The following SPIDR variants were observed in gnomAD, a reference collection of about 807,000 sequenced individuals.
SPIDR encodes the protein DNA repair-scaffolding protein.
Under a neutral mutation model 104.6 loss-of-function variants are expected in SPIDR, and 93 were observed. The observed-to-expected ratio is 0.89, with a 90% CI of 0.75 to 1.06. SPIDR has a LOEUF of 1.06. Among genes scored for constraint, SPIDR ranks in the 50% least tolerant of loss-of-function variants. The probability of loss-of-function intolerance (pLI) is 0.00; values close to 1 mark genes in which losing one functional copy is unlikely to be tolerated. For missense variants in SPIDR, 1,154 were observed against 1,111.2 expected (o/e 1.04, Z -0.55); for synonymous variants, 431 against 416.9 (o/e 1.03, Z -0.41).
At chr8:47,553,027 G>T (rs763063780) in intron 8 of SPIDR, among the ~76,000 whole-genome samples, 1 of 152,132 alleles carries the variant, frequency 6.6e-6, no homozygotes, top group Non-Finnish European at 1.5e-5. Context: ...ATGAAGCTTA[G>T]TTTGGCTGGG....
At chr8:47,615,411 C>T (rs2064157003) in intron 10 of SPIDR, among the ~76,000 whole-genome samples, 1 of 150,636 alleles carries the variant, frequency 6.6e-6, no homozygotes, top group East Asian at 2.0e-4. Context: ...ATTAATTTGG[C>T]TAGCTCATTG....
Position 47,584,153 on chromosome 8 carries a change from T to C in SPIDR, c.1098-11658T>C, listed in dbSNP as rs983479620. Among the ~76,000 whole-genome samples the C allele has an allele frequency of 9.8e-5, 15 of 152,348 alleles. 1 individual carries two copies. Among genetic ancestry groups the C allele is most frequent in the Admixed American group, 7.8e-4 (12 of 15,310 alleles). The stretch of plus-strand genomic sequence containing the variant: ...GATCATATCATATTTAGTCACGTTA[T>C]ATTTGTGACTAAAATTTCAGGCTTT... On this transcript the variant is annotated intron_variant, in intron 8 of 19. Coordinates refer to ENST00000297423, the MANE Select transcript of SPIDR (RefSeq NM_001080394.4).
At chr8:47,338,863 C>A (rs1309420332) in intron 5 of SPIDR, among the ~76,000 whole-genome samples, 4 of 152,130 alleles carry the variant, frequency 2.6e-5, no homozygotes, top group African/African-American at 4.8e-5. Flanking sequence ...TAGATACCAT[C>A]CCAGCTGTTG....
intron 8 of SPIDR, among the ~76,000 whole-genome samples, chr8:47,441,595 A>G (rs912307906): frequency 6.6e-6 from 1 of 151,252 alleles, no homozygotes; most frequent in Non-Finnish European, 1.5e-5. Flanking sequence ...TTACGTTTTT[A>G]GGGGGCAGGG....
chr8:47,495,189 G>A (rs1398873278), intron 8 of SPIDR, among the ~76,000 whole-genome samples: 1 of 151,662 alleles, frequency 6.6e-6, no homozygotes, highest in African/African-American at 2.4e-5. Flanking sequence ...CCCTTCTATT[G>A]CATAGTGCAC....
chr8:47,360,106 G>C (rs2055463272), intron 5 of SPIDR, among the ~76,000 whole-genome samples: 2 of 151,860 alleles, frequency 1.3e-5, no homozygotes, highest in African/African-American at 4.8e-5. Context: ...GCTGGGCGTG[G>C]TGGCGGGCGC....
chr8:47,702,889 G>T (rs1181776233), intron 14 of SPIDR, among the ~76,000 whole-genome samples: 1 of 152,166 alleles, frequency 6.6e-6, no homozygotes, highest in African/African-American at 2.4e-5. Flanking sequence ...TACCAGCCAG[G>T]CCAGAATACT....
chr8:47,503,215 A>T (rs181873825), intron 8 of SPIDR, among the ~76,000 whole-genome samples: 2 of 152,182 alleles, frequency 1.3e-5, no homozygotes, highest in East Asian at 3.9e-4. Flanking sequence ...TCTCGTTGAT[A>T]TATCTAATGT....
intron 10 of SPIDR, among the ~76,000 whole-genome samples, chr8:47,658,987 G>A (rs1376291248): frequency 1.3e-5 from 2 of 151,596 alleles, no homozygotes; most frequent in Non-Finnish European, 2.9e-5. Context: ...GCGCCGCACA[G>A]TGGCTTACAC....
intron 8 of SPIDR, among the ~76,000 whole-genome samples, chr8:47,595,013 A>AAAGAAT (rs1319066125): frequency 2.0e-5 from 3 of 151,954 alleles, no homozygotes; most frequent in African/African-American, 4.8e-5. Context: ...AGAAAAAGAA[A>AAAGAAT]AGAAAAAGAA....
At chr8:47,613,492 T>C (rs565349567) in intron 10 of SPIDR, among the ~76,000 whole-genome samples, 46 of 152,370 alleles carry the variant, frequency 3.0e-4, no homozygotes, top group African/African-American at 1.1e-3. Context: ...TCTGTTTTCA[T>C]TTCTCTTGGT....
intron 7 of SPIDR, among the ~76,000 whole-genome samples, chr8:47,437,858 A>T (rs1161829824): frequency 6.6e-6 from 1 of 152,180 alleles, no homozygotes; most frequent in Admixed American, 6.5e-5. Context: ...AGAACTAGAA[A>T]TACCATTTGA....
intron 7 of SPIDR, among the ~76,000 whole-genome samples, chr8:47,421,569 C>T (rs1447987974): frequency 1.3e-5 from 2 of 152,190 alleles, no homozygotes; most frequent in Non-Finnish European, 2.9e-5. Context: ...CCTGCTTTAG[C>T]TCGGAGTAGT....
chr8:47,355,180 T>C (rs1378180564), intron 5 of SPIDR, among the ~76,000 whole-genome samples: 1 of 150,018 alleles, frequency 6.7e-6, no homozygotes. Context: ...GTCACTAAAC[T>C]CCTGGCCTCA....
At chr8:47,482,345 A>C (rs1554727796) in intron 8 of SPIDR, among the ~76,000 whole-genome samples, 2 of 152,064 alleles carry the variant, frequency 1.3e-5, no homozygotes, top group African/African-American at 4.8e-5. Context: ...TGAGGTGGGA[A>C]GATCACCTGA....
intron 8 of SPIDR, among the ~76,000 whole-genome samples, chr8:47,467,531 T>G (rs2075070898): frequency 6.6e-6 from 1 of 152,184 alleles, no homozygotes; most frequent in East Asian, 1.9e-4. Flanking sequence ...GTTGGCTTTA[T>G]CCCTGGGATG....
At chr8:47,475,277 TC>T (rs2154359403) in intron 8 of SPIDR, among the ~76,000 whole-genome samples, 1 of 152,306 alleles carries the variant, frequency 6.6e-6, no homozygotes, top group South Asian at 2.1e-4. Flanking sequence ...TGCCCTCAAT[TC>T]ACATTTCTCC....
At chr8:47,460,318 A>G (rs2130880) in intron 8 of SPIDR, among the ~76,000 whole-genome samples, 1 of 152,060 alleles carries the variant, frequency 6.6e-6, no homozygotes, top group African/African-American at 2.4e-5. Flanking sequence ...TAGGAGCTCC[A>G]GTGTTAGGTG....
rs2080634925 is a variant in SPIDR, at chr8:47,703,552, G to T, written c.1977+1537G>T. On this transcript the variant is annotated intron_variant, in intron 14 of 19. Coordinates refer to ENST00000297423, the MANE Select transcript of SPIDR (RefSeq NM_001080394.4). ...AGCTCCACCTTGCAGTGCAAAAGCA[G>T]CCATGTTGTCATTCACAAATGAATG... 5.9e-5 allele frequency among the ~76,000 whole-genome samples: 9 copies of T among 152,312 alleles called. No homozygotes were observed. The South Asian group carries it at 1.9e-3, about 32-fold the overall frequency.
Sources: allele counts gnomAD v4.1 joint callset (sites outside exome capture counted in the v4.1 genomes callset), GRCh38; gene constraint gnomAD v4.1.1; transcripts MANE v1.5; gene names NCBI Gene and HGNC (gene_info 2026-07-23, HGNC 2026-07-21).